Variants in C6 observed in about 807,000 individuals in gnomAD.
C6 encodes complement C6.
A neutral mutation model predicts 112.9 loss-of-function variants in C6; 101 were observed. The ratio of observed to expected loss-of-function variants is 0.89; its 90% CI spans 0.76 to 1.06. C6 has a LOEUF of 1.06. Ranked by LOEUF, C6 falls within the 50% of genes least tolerant of loss-of-function variation. The pLI, the probability that C6 is intolerant of heterozygous loss-of-function variation, is 0.00. For synonymous variants in C6, 431 were observed against 384.1 expected (o/e 1.12, Z -1.43); for missense variants, 1,202 against 1,104.6 (o/e 1.09, Z -1.25).
chr5:41,143,014 G>A lies in C6; in HGVS notation c.2624-8C>T. On this transcript the variant is annotated splice_polypyrimidine_tract_variant and splice_region_variant and intron_variant, in intron 17 of 17. Coordinates refer to ENST00000337836, the MANE Select transcript of C6 (RefSeq NM_000065.5). ...CACATTTGGAAGTGGAGGCTGTAAT[G>A]AGAGAGAGAGAGACAGTGTGACTTA... 6.6e-7 allele frequency: 1 copy of A among 1,525,018 alleles called. No individual in the cohort carries two copies. The highest frequency in any genetic ancestry group is 9.0e-7 in the Non-Finnish European group (1 of 1,107,774). 94.5% of individuals were successfully genotyped at this position (1,525,018 alleles called of 1,614,324 possible).
intron 1 of C6, among the ~76,000 whole-genome samples, chr5:41,245,517 T>A (rs1253679982): frequency 1.1e-4 from 16 of 151,810 alleles, no homozygotes; most frequent in Non-Finnish European, 1.8e-4. Flanking sequence ...AAAAAAAAAA[T>A]TTAACAAGAT....
At chr5:41,244,819 C>T (rs555692388) in intron 1 of C6, among the ~76,000 whole-genome samples, 33 of 152,110 alleles carry the variant, frequency 2.2e-4, no homozygotes, top group Non-Finnish European at 3.2e-4. Context: ...ATTACCTTAT[C>T]TTCTTAATTT....
At chr5:41,245,361 C>T (rs1263441234) in intron 1 of C6, among the ~76,000 whole-genome samples, 5 of 152,114 alleles carry the variant, frequency 3.3e-5, no homozygotes, top group Admixed American at 2.6e-4. Flanking sequence ...GAAACCCCAT[C>T]TCTATGAAAA....
At position 41,176,508 on chromosome 5, in the gene C6, AGAG is replaced by A; in HGVS notation, c.1132_1134del (p.Leu378del). 1 of 1,613,810 alleles carries A rather than the reference AGAG, an allele frequency of 6.2e-7. No individual in the cohort carries two copies. Among genetic ancestry groups the A allele is most frequent in the Non-Finnish European group, 8.5e-7 (1 of 1,179,800 alleles). ...TTTAGTTCCTCACTGCTAAACTGAT[AGAG>A]AAGGTCATACACGCCTCCCAGGGAG... On this transcript the variant is annotated inframe_deletion, in exon 8 of 18. Coordinates refer to ENST00000337836, the MANE Select transcript of C6 (RefSeq NM_000065.5).
Position 41,212,333 on chromosome 5 carries a change from G to C in C6, c.-21+1043C>G, listed in dbSNP as rs538383330. On this transcript the variant is annotated intron_variant, in intron 1 of 17. Coordinates refer to ENST00000337836, the MANE Select transcript of C6 (RefSeq NM_000065.5). ...CTGCCACCACACCCAGCTAATTTTT[G>C]TATTTTTAGTGAACTCGGGGTTTCA... is the stretch of plus-strand genomic sequence containing the variant. 1.4e-4 allele frequency among the ~76,000 whole-genome samples: 22 copies of C among 151,946 alleles called. No homozygotes were observed. The East Asian group carries it at 4.1e-3, about 28-fold the overall frequency.
In C6 at chr5:41,153,720, G is replaced by A. The variant is rs1401183174; in HGVS notation, c.2290+90C>T. 3.3e-5 allele frequency: 33 copies of A among 1,013,006 alleles called. No homozygotes were observed. The Admixed American group carries it at 5.6e-4, about 17-fold the overall frequency. The allele number at this position is 1,013,006 out of a possible 1,614,324, so 62.8% of individuals were successfully genotyped here. On this transcript the variant is annotated intron_variant, in intron 15 of 17. Transcript: ENST00000337836. ...CTTGCATCTTTTTTAGCCTCTCAGT[G>A]CTTAAGAAATATAATGGCTATAGAG...
chr5:41,255,855 C>T (rs753199302), intron 1 of C6, among the ~76,000 whole-genome samples: 3 of 152,148 alleles, frequency 2.0e-5, no homozygotes, highest in Non-Finnish European at 4.4e-5. Context: ...TATAGTTCAG[C>T]CTCTACAGAG....
chr5:41,233,556 G>A (rs928182270), intron 1 of C6, among the ~76,000 whole-genome samples: 1 of 152,024 alleles, frequency 6.6e-6, no homozygotes. Context: ...AAGCTAAAAC[G>A]AGATGCAGCT....
intron 1 of C6, among the ~76,000 whole-genome samples, chr5:41,239,927 TC>T (rs1277398852): frequency 6.6e-6 from 1 of 152,130 alleles, no homozygotes; most frequent in South Asian, 2.1e-4. Context: ...GTATATATCA[TC>T]CCATTCTCTC....
chr5:41,241,361 G>A (rs551211051), intron 1 of C6, among the ~76,000 whole-genome samples: 144 of 152,280 alleles, frequency 9.5e-4, no homozygotes, highest in African/African-American at 3.3e-3. Flanking sequence ...ATAAGCTGGC[G>A]CTAGCACACC....
intron 15 of C6, among the ~76,000 whole-genome samples, chr5:41,150,639 A>T (rs966747615): frequency 6.6e-6 from 1 of 152,174 alleles, no homozygotes; most frequent in African/African-American, 2.4e-5. Flanking sequence ...TTGTAATCCC[A>T]GCATTTTGGG....
At chr5:41,156,336 T>C (rs1407605603) in intron 13 of C6, among the ~76,000 whole-genome samples, 1 of 152,152 alleles carries the variant, frequency 6.6e-6, no homozygotes, top group Non-Finnish European at 1.5e-5. Flanking sequence ...CAACGTCCTT[T>C]CAGTTCTGAG....
chr5:41,251,359 A>G (rs185659346), intron 1 of C6, among the ~76,000 whole-genome samples: 1 of 152,168 alleles, frequency 6.6e-6, no homozygotes, highest in South Asian at 2.1e-4. Context: ...ATATATATAT[A>G]TATTTTCTAC....
intron 8 of C6, among the ~76,000 whole-genome samples, chr5:41,175,458 A>G (rs901008398): frequency 2.0e-5 from 3 of 152,152 alleles, no homozygotes; most frequent in African/African-American, 7.2e-5. Flanking sequence ...TTCCTTCATT[A>G]TATGTAACTG....
intron 1 of C6, among the ~76,000 whole-genome samples, chr5:41,241,983 C>T (rs944672724): frequency 7.2e-5 from 11 of 151,988 alleles, no homozygotes; most frequent in African/African-American, 2.7e-4. Flanking sequence ...CAAAAATAGT[C>T]CTAAGAGGGA....
At chr5:41,223,030 G>C (rs1739275910) in intron 1 of C6, among the ~76,000 whole-genome samples, 1 of 152,048 alleles carries the variant, frequency 6.6e-6, no homozygotes, top group South Asian at 2.1e-4. Context: ...CTTCCAATTT[G>C]TTTTGATCAC....
In C6 at chr5:41,178,547, C is replaced by T. The variant is rs566368789; in HGVS notation, c.928-1832G>A. On this transcript the variant is annotated intron_variant, in intron 7 of 17. Coordinates refer to ENST00000337836, the MANE Select transcript of C6 (RefSeq NM_000065.5). ...CTGGAGTGCAGTGGTGCCATCTTGGCTCATTGCAACCTTTGCCTCCTGGGT... is the reference window on the plus strand; with the variant it reads ...CTGGAGTGCAGTGGTGCCATCTTGGTTCATTGCAACCTTTGCCTCCTGGGT... Among the ~76,000 whole-genome samples the T allele has an allele frequency of 4.6e-5, 6 of 130,970 alleles. No individual in the cohort carries two copies. In the East Asian group the frequency reaches 1.3e-3, roughly 29 times the overall value. 85.9% of individuals were successfully genotyped at this position (130,970 alleles called of 152,430 possible).
intron 5 of C6, among the ~76,000 whole-genome samples, chr5:41,188,714 A>G (rs951922916): frequency 1.3e-5 from 2 of 152,070 alleles, no homozygotes; most frequent in Non-Finnish European, 2.9e-5. Flanking sequence ...CAGTAAGACA[A>G]AGCCTTCTTA....
chr5:41,144,646 T>G (rs2150215607), intron 17 of C6, among the ~76,000 whole-genome samples: 1 of 152,288 alleles, frequency 6.6e-6, no homozygotes, highest in African/African-American at 2.4e-5. Flanking sequence ...ATAGGTAAAT[T>G]GAATCCATAA....
Sources: allele counts gnomAD v4.1 joint callset (sites outside exome capture counted in the v4.1 genomes callset), GRCh38; gene constraint gnomAD v4.1.1; transcripts MANE v1.5; gene names NCBI Gene and HGNC (gene_info 2026-07-23, HGNC 2026-07-21).